Variants in URM1 observed in about 807,000 individuals in gnomAD.
The protein encoded by URM1 is ubiquitin-related modifier 1.
In URM1, 11 loss-of-function variants were observed where a neutral mutation model predicts 17.7. That is an observed-to-expected ratio of 0.62 (90% CI 0.39 to 1.03). The LOEUF (loss-of-function observed/expected upper bound fraction) is 1.03, where lower values mean the gene tolerates loss of function less well. Among genes scored for constraint, URM1 ranks in the 50% least tolerant of loss-of-function variants. The probability of loss-of-function intolerance (pLI) is 0.00; values close to 1 mark genes in which losing one functional copy is unlikely to be tolerated. For synonymous variants in URM1, 48 were observed against 50.6 expected, an observed-to-expected ratio of 0.95 and a Z score of 0.22; for missense variants, 128 against 129.2, an observed-to-expected ratio of 0.99 and a Z score of 0.04.
chr9:128,377,985 C>A, intron 1 of URM1, 51 bp from the exon 2 acceptor site: 1 of 1,605,582 alleles, frequency 6.2e-7, no homozygotes, highest in South Asian at 1.1e-5. Flanking sequence ...CTACCTCTTC[C>A]TATTTGCAGG....
intron 2 of URM1, among the ~76,000 whole-genome samples, chr9:128,379,058 A>G (rs1311476138): frequency 6.6e-6 from 1 of 151,966 alleles, no homozygotes; most frequent in Non-Finnish European, 1.5e-5. Context: ...TAACCTTAGC[A>G]GTGGGTTCTA....
chr9:128,389,336 C>A (rs1833272800), intron 4 of URM1, 27 bp downstream of exon 4: 1 of 1,613,844 alleles, frequency 6.2e-7, no homozygotes, highest in African/African-American at 1.3e-5. Flanking sequence ...ACATCCCTCC[C>A]CCAGCCCCTG....
intron 2 of URM1, among the ~76,000 whole-genome samples, chr9:128,383,384 C>G (rs890764602): frequency 7.9e-5 from 12 of 152,164 alleles, no homozygotes; most frequent in African/African-American, 2.7e-4. Flanking sequence ...GTTACTCCCC[C>G]CTTGCCAGCT....
intron 2 of URM1, among the ~76,000 whole-genome samples, chr9:128,379,710 G>T (rs1056106399): frequency 1.3e-5 from 2 of 151,596 alleles, no homozygotes; most frequent in African/African-American, 4.9e-5. Flanking sequence ...TGAGGCACGA[G>T]AATTGCTTAA....
intron 2 of URM1, among the ~76,000 whole-genome samples, chr9:128,384,834 G>A (rs1211149250): frequency 6.6e-6 from 1 of 152,112 alleles, no homozygotes; most frequent in Non-Finnish European, 1.5e-5. Flanking sequence ...ACTAGTAAGT[G>A]ATGGAGTCCA....
intron 2 of URM1, among the ~76,000 whole-genome samples, chr9:128,383,112 C>G (rs545529175): frequency 6.6e-6 from 1 of 152,298 alleles, no homozygotes; most frequent in African/African-American, 2.4e-5. Flanking sequence ...CACAGCCTCT[C>G]TGGGGCCAGC....
chr9:128,372,842 G>A (rs906977611), intron 1 of URM1, among the ~76,000 whole-genome samples: 3 of 152,068 alleles, frequency 2.0e-5, no homozygotes, highest in African/African-American at 4.8e-5. Context: ...GGGAGGCTTG[G>A]GCAGGAGGAC....
chr9:128,383,782 G>A (rs945368200), intron 2 of URM1, among the ~76,000 whole-genome samples: 1 of 152,164 alleles, frequency 6.6e-6, no homozygotes, highest in Non-Finnish European at 1.5e-5. Flanking sequence ...TCAGTCCCAC[G>A]AGGCTGAGGC....
chr9:128,381,916 CATTT>C (rs1833164702), intron 2 of URM1, among the ~76,000 whole-genome samples: 1 of 152,174 alleles, frequency 6.6e-6, no homozygotes, highest in African/African-American at 2.4e-5. Context: ...CGCTTTCCTT[CATTT>C]ATTTATTCAT....
chr9:128,376,441 C>G (rs1359267031), intron 1 of URM1, among the ~76,000 whole-genome samples: 1 of 149,010 alleles, frequency 6.7e-6, no homozygotes, highest in African/African-American at 2.5e-5. Flanking sequence ...AGGTGGATCA[C>G]GAGGTCAGGA....
chr9:128,382,774 A>G (rs1485147864), intron 2 of URM1, among the ~76,000 whole-genome samples: 1 of 152,196 alleles, frequency 6.6e-6, no homozygotes. Flanking sequence ...CAATTCGGTG[A>G]AGCAGAGTGT....
At chr9:128,388,593 A>T in intron 3 of URM1, 2 of 986,110 alleles carry the variant, frequency 2.0e-6, no homozygotes, top group Non-Finnish European at 2.4e-6. Flanking sequence ...GCCCTCCTTC[A>T]GGTCATGGTC....
At chr9:128,385,295 G>C (rs1215174916) in intron 2 of URM1, among the ~76,000 whole-genome samples, 1 of 152,120 alleles carries the variant, frequency 6.6e-6, no homozygotes, top group Non-Finnish European at 1.5e-5. Flanking sequence ...GGCCTCTCCT[G>C]ATCCCAGATG....
chr9:128,390,434 G>A lies in URM1; in HGVS notation c.*700G>A, dbSNP rs1476820104. 1.3e-5 allele frequency: 2 copies of A among 152,406 alleles called. No homozygotes were observed. The highest frequency in any genetic ancestry group is 2.4e-5 in the African/African-American group (1 of 41,450). The allele number at this position is 152,406 out of a possible 1,614,324, so 9.4% of individuals were successfully genotyped here. The stretch of plus-strand genomic sequence containing the variant: ...GCTGCTTACAGCTCATTCTGCTGGG[G>A]GTAGAGATGAGGGGAGGGAGTAAGT... On this transcript the variant is annotated 3_prime_UTR_variant, in exon 5 of 5. Coordinates refer to ENST00000372853, the MANE Select transcript of URM1 (RefSeq NM_030914.4).
intron 2 of URM1, among the ~76,000 whole-genome samples, chr9:128,378,947 CAAAAA>C (rs397976946): frequency 2.3e-5 from 2 of 86,854 alleles, no homozygotes; most frequent in Admixed American, 1.3e-4. Context: ...ATTCTGTCAC[CAAAAA>C]AAAAAAAAAA....
At chr9:128,386,123 G>A (rs1190028162) in intron 2 of URM1, among the ~76,000 whole-genome samples, 1 of 152,120 alleles carries the variant, frequency 6.6e-6, no homozygotes, top group Non-Finnish European at 1.5e-5. Context: ...CTGGTTCCAT[G>A]CAGGCCAGGC....
At chr9:128,389,100 C>T in intron 3 of URM1, 161 bp from the exon 4 acceptor site, 1 of 1,434,486 alleles carries the variant, frequency 7.0e-7, no homozygotes, top group East Asian at 2.4e-5. Context: ...GTTTCCTTCA[C>T]ACTCAGACCA....
Position 128,377,025 on chromosome 9 carries a change from A to G in URM1, c.36-1011A>G, listed in dbSNP as rs760987562. 9.2e-4 allele frequency among the ~76,000 whole-genome samples: 140 copies of G among 152,194 alleles called. 1 individual carries two copies. The highest frequency in any genetic ancestry group is 1.4e-3 in the Non-Finnish European group (97 of 68,004). ...AATAATTTCCCGGGTGCCTAATGAT[A>G]ATAATAATTACATAGAGACAGGGTC... On this transcript the variant is annotated intron_variant, in intron 1 of 4. Coordinates refer to ENST00000372853, the MANE Select transcript of URM1 (RefSeq NM_030914.4).
intron 2 of URM1, among the ~76,000 whole-genome samples, chr9:128,384,121 A>C (rs909984945): frequency 4.6e-5 from 7 of 152,182 alleles, no homozygotes; most frequent in Admixed American, 3.3e-4. Flanking sequence ...TGACACTGAG[A>C]CAGCAAGATG....
Sources: gnomAD v4.1 joint callset for allele counts (sites outside exome capture counted in the v4.1 genomes callset) on GRCh38, gnomAD v4.1.1 for gene constraint, MANE v1.5 for transcripts, NCBI Gene and HGNC (gene_info 2026-07-23, HGNC 2026-07-21) for gene names.